The following ADAMTSL1 variants were observed in gnomAD, a reference collection of about 807,000 sequenced individuals.
ADAMTSL1 encodes ADAMTS like 1.
In ADAMTSL1, 126 loss-of-function variants were observed where a neutral mutation model predicts 201.8. That is an observed-to-expected ratio of 0.62 (90% CI 0.54 to 0.72). The LOEUF is 0.72. Ranked by LOEUF, ADAMTSL1 falls within the 30% of genes least tolerant of loss-of-function variation. The pLI is 0.00. For missense variants in ADAMTSL1, 2,679 were observed against 2,277.8 expected (o/e 1.18, Z -3.59); for synonymous variants, 1,121 against 903.4 (o/e 1.24, Z -4.32).
rs188294613 is a variant in ADAMTSL1, at chr9:18,057,794, G to A, written c.88-106068G>A. On this transcript the variant is annotated intron_variant, in intron 1 of 29. Transcript: ENST00000680146. ...GCCAATAATGAGCTTCCTAGCACTC[G>A]TCTGGCTAATTCTTACTCATTCTTT... Among the ~76,000 whole-genome samples the A allele has an allele frequency of 2.9e-4, 44 of 152,268 alleles. No individual in the cohort carries two copies. In the Middle Eastern group the frequency reaches 0.01, roughly 35 times the overall value.
rs538194143 is a variant in ADAMTSL1 at position 18,654,970 on chromosome 9, C to T, written c.835-2669C>T. Among the ~76,000 whole-genome samples the T allele has an allele frequency of 6.1e-4, 93 of 152,360 alleles. 5 individuals are homozygous for T. The South Asian group carries it at 0.018, about 30-fold the overall frequency. On this transcript the variant is annotated intron_variant, in intron 7 of 28. Transcript: ENST00000380548. ...TGTGGCTTCCTTTTGCCTCCCTGTC[C>T]TCATGAGAGCAGCGACTGAACAGCT...
At chr9:18,641,765 T>A (rs1447161824) in intron 7 of ADAMTSL1, among the ~76,000 whole-genome samples, 1 of 152,112 alleles carries the variant, frequency 6.6e-6, no homozygotes, top group African/African-American at 2.4e-5. Context: ...CTAATTTTCC[T>A]CAGAGAAATA....
At chr9:18,871,711 G>A (rs966662515) in intron 23 of ADAMTSL1, among the ~76,000 whole-genome samples, 1 of 152,144 alleles carries the variant, frequency 6.6e-6, no homozygotes, top group Non-Finnish European at 1.5e-5. Flanking sequence ...TCTCACTCGT[G>A]TTCCAAACTC....
chr9:17,913,589 C>A (rs1350715137), intron 1 of ADAMTSL1, among the ~76,000 whole-genome samples: 2 of 152,012 alleles, frequency 1.3e-5, no homozygotes, highest in Non-Finnish European at 2.9e-5. Flanking sequence ...AAAATTGACA[C>A]CCTAACATCA....
rs188932541 is a variant in ADAMTSL1, at chr9:17,927,115, G to T, written c.87+20193G>T. The stretch of plus-strand genomic sequence containing the variant: ...CATACTATGTTCTGTTTATGATTTT[G>T]ACTGCTCTAGGTACCTTACATAAGT... On this transcript the variant is annotated intron_variant, in intron 1 of 29. Coordinates refer to the ADAMTSL1 transcript ENST00000680146. Among the ~76,000 whole-genome samples, 222 of 152,176 alleles carry T rather than the reference G, an allele frequency of 1.5e-3. 1 individual carries two copies. Among genetic ancestry groups the T allele is most frequent in the Admixed American group, 2.1e-3 (32 of 15,286 alleles).
chr9:18,116,911 T>G (rs1046177788), intron 1 of ADAMTSL1, among the ~76,000 whole-genome samples: 1 of 152,166 alleles, frequency 6.6e-6, no homozygotes, highest in Admixed American at 6.5e-5. Flanking sequence ...CATCTCACAT[T>G]TAAGTATCTA....
At chr9:18,810,494 G>C (rs1823433383) in intron 20 of ADAMTSL1, among the ~76,000 whole-genome samples, 1 of 152,162 alleles carries the variant, frequency 6.6e-6, no homozygotes, top group South Asian at 2.1e-4. Context: ...ACTCCAAAGG[G>C]CATTTCTGAA....
At position 18,889,564 on chromosome 9, in the gene ADAMTSL1, ACAG is replaced by A; in HGVS notation, c.4463-3_4463-1del. 6.2e-7 allele frequency: 1 copy of A among 1,613,450 alleles called. No homozygotes were observed. ...TTTCTACACTGCTCCTCCTCCCATG[ACAG>A]ATTACTGGTGGTCTGTGGACAGACT... On this transcript the variant is annotated splice_acceptor_variant and splice_polypyrimidine_tract_variant and intron_variant, in intron 24 of 28. Transcript: ENST00000380548. LOFTEE classifies it high-confidence loss of function.
intron 15 of ADAMTSL1, among the ~76,000 whole-genome samples, chr9:18,731,171 T>C (rs561516560): frequency 6.6e-6 from 1 of 152,302 alleles, no homozygotes; most frequent in African/African-American, 2.4e-5. Flanking sequence ...ATGTCAAAGC[T>C]AAATATTCCC....
chr9:18,886,645 C>T (rs541407016), intron 23 of ADAMTSL1, among the ~76,000 whole-genome samples: 1 of 152,254 alleles, frequency 6.6e-6, no homozygotes, highest in East Asian at 1.9e-4. Context: ...TCATTGTGTC[C>T]CACATGGTGG....
At chr9:18,367,756 T>C (rs931839844) in intron 2 of ADAMTSL1, among the ~76,000 whole-genome samples, 1 of 152,110 alleles carries the variant, frequency 6.6e-6, no homozygotes, top group Non-Finnish European at 1.5e-5. Flanking sequence ...GAATTACACA[T>C]TTATCGGCAC....
chr9:18,372,816 G>C (rs992051502), intron 2 of ADAMTSL1, among the ~76,000 whole-genome samples: 12 of 152,110 alleles, frequency 7.9e-5, no homozygotes, highest in African/African-American at 2.9e-4. Context: ...CCTGATTCCA[G>C]ATTGAAATAT....
chr9:18,077,885 GAGA>G (rs1185917238), intron 1 of ADAMTSL1, among the ~76,000 whole-genome samples: 2 of 152,174 alleles, frequency 1.3e-5, no homozygotes, highest in African/African-American at 2.4e-5. Flanking sequence ...TTGGATGTAA[GAGA>G]AGAAGATGCA....
In ADAMTSL1 at chr9:18,058,437, C is replaced by A. The variant is rs1283086442; in HGVS notation, c.88-105425C>A. On this transcript the variant is annotated intron_variant, in intron 1 of 29. Coordinates refer to the ADAMTSL1 transcript ENST00000680146. ...TCTTTGTCCTAATCATAAGATTAAT[C>A]ATTGAAGATAAATATTACATCGCAT... Among the ~76,000 whole-genome samples, 3 of 152,136 alleles carry A rather than the reference C, an allele frequency of 2.0e-5. No homozygotes were observed. In the East Asian group the frequency reaches 5.8e-4, roughly 29 times the overall value.
At chr9:18,642,951 G>T (rs1827542998) in intron 7 of ADAMTSL1, among the ~76,000 whole-genome samples, 1 of 151,974 alleles carries the variant, frequency 6.6e-6, no homozygotes. Context: ...ACCCAGGAGT[G>T]AGATTGCTGG....
At chr9:18,437,077 T>C (rs1296022623) in intron 2 of ADAMTSL1, among the ~76,000 whole-genome samples, 6 of 150,806 alleles carry the variant, frequency 4.0e-5, no homozygotes, top group Non-Finnish European at 7.4e-5. Context: ...AGGATGGTTG[T>C]AATCTTGGAC....
At chr9:18,597,674 C>T (rs1337548324) in intron 4 of ADAMTSL1, among the ~76,000 whole-genome samples, 1 of 151,928 alleles carries the variant, frequency 6.6e-6, no homozygotes, top group Non-Finnish European at 1.5e-5. Flanking sequence ...AGTAATTATA[C>T]ATGGGCTAAC....
intron 2 of ADAMTSL1, among the ~76,000 whole-genome samples, chr9:18,324,759 C>T (rs1395751668): frequency 1.4e-5 from 2 of 146,716 alleles, no homozygotes; most frequent in African/African-American, 2.5e-5. Context: ...AGCGAAACTC[C>T]ATCTCAAAAA....
chr9:18,898,215 C>A (rs908033577), intron 26 of ADAMTSL1, among the ~76,000 whole-genome samples: 1 of 152,102 alleles, frequency 6.6e-6, no homozygotes, highest in Non-Finnish European at 1.5e-5. Context: ...TAATAACAAA[C>A]TTCGCTGAGC....
Sources: allele counts gnomAD v4.1 joint callset (sites outside exome capture counted in the v4.1 genomes callset), GRCh38; gene constraint gnomAD v4.1.1; transcripts MANE v1.5; gene names NCBI Gene and HGNC (gene_info 2026-07-23, HGNC 2026-07-21).